Variants in ERC1 observed in about 807,000 individuals in gnomAD.
ERC1 encodes ELKS/RAB6-interacting/CAST family member 1, also known as RAB6 interacting protein 2.
Under a neutral mutation model 132.0 loss-of-function variants are expected in ERC1, and 56 were observed. The ratio of observed to expected loss-of-function variants is 0.42; its 90% CI spans 0.34 to 0.53. The LOEUF is 0.53. Ranked by LOEUF, ERC1 falls within the 20% of genes least tolerant of loss-of-function variation. The pLI is 0.03. For synonymous variants in ERC1, 478 were observed against 476.1 expected (o/e 1.00, Z -0.05); for missense variants, 1,202 against 1,349.9 (o/e 0.89, Z 1.72).
At chr12:1,269,733 T>A (rs2077700752) in intron 14 of ERC1, among the ~76,000 whole-genome samples, 1 of 152,194 alleles carries the variant, frequency 6.6e-6, no homozygotes, top group South Asian at 2.1e-4. Context: ...AAAAGGCACA[T>A]GGGCACAGGC....
intron 3 of ERC1, among the ~76,000 whole-genome samples, chr12:1,100,109 A>C (rs558284341): frequency 3.9e-5 from 6 of 152,052 alleles, no homozygotes; most frequent in African/African-American, 1.4e-4. Flanking sequence ...CGGCCTCCCA[A>C]AGTGCTGGGA....
intron 18 of ERC1, among the ~76,000 whole-genome samples, chr12:1,466,627 C>T (rs2093748620): frequency 6.6e-6 from 1 of 152,118 alleles, no homozygotes; most frequent in Non-Finnish European, 1.5e-5. Flanking sequence ...GGGGCTCTGC[C>T]TGTTAAAAGG....
intron 16 of ERC1, among the ~76,000 whole-genome samples, chr12:1,383,871 A>C (rs2089005290): frequency 6.6e-6 from 1 of 152,182 alleles, no homozygotes; most frequent in Non-Finnish European, 1.5e-5. Context: ...CTTTATGTGA[A>C]TTAATTCATT....
At chr12:1,367,393 AC>A (rs1270410594) in intron 15 of ERC1, among the ~76,000 whole-genome samples, 2 of 152,174 alleles carry the variant, frequency 1.3e-5, no homozygotes, top group African/African-American at 2.4e-5. Context: ...ATTCAATTTG[AC>A]ATACTCAGTT....
chr12:1,484,195 C>T (rs1221300028), intron 18 of ERC1, among the ~76,000 whole-genome samples: 2 of 151,788 alleles, frequency 1.3e-5, no homozygotes. Context: ...GTCCCAGCTA[C>T]TCGGGAGGCT....
chr12:1,378,082 G>C (rs931694629), intron 16 of ERC1, among the ~76,000 whole-genome samples: 1 of 152,110 alleles, frequency 6.6e-6, no homozygotes, highest in African/African-American at 2.4e-5. Context: ...TCAAAGTTTT[G>C]AGTAAAGAAT....
chr12:1,365,314 C>T (rs189482082), intron 15 of ERC1, among the ~76,000 whole-genome samples: 19 of 150,836 alleles, frequency 1.3e-4, no homozygotes, highest in African/African-American at 3.2e-4. Context: ...CTTGCCTAGA[C>T]GCTACTGGCC....
intron 18 of ERC1, among the ~76,000 whole-genome samples, chr12:1,459,527 G>T (rs1350925034): frequency 6.6e-6 from 1 of 152,212 alleles, no homozygotes; most frequent in African/African-American, 2.4e-5. Flanking sequence ...ACTCCACCCT[G>T]TGGTTGAATG....
intron 17 of ERC1, among the ~76,000 whole-genome samples, chr12:1,418,706 CT>C: frequency 8.6e-6 from 1 of 116,924 alleles, no homozygotes; most frequent in South Asian, 2.8e-4. Context: ...TTCTTTCTTT[CT>C]TTCTTTCTTT....
At chr12:1,051,025 A>G (rs759533958) in intron 2 of ERC1, among the ~76,000 whole-genome samples, 1 of 152,110 alleles carries the variant, frequency 6.6e-6, no homozygotes, top group Non-Finnish European at 1.5e-5. Context: ...TCATATATGT[A>G]CCACTCTGAA....
At chr12:1,052,497 T>C (rs576964778) in intron 2 of ERC1, among the ~76,000 whole-genome samples, 10 of 152,316 alleles carry the variant, frequency 6.6e-5, no homozygotes, top group African/African-American at 2.4e-4. Flanking sequence ...ATACAACTTT[T>C]CTGGGCTTGA....
chr12:1,359,137 C>G (rs190820474), intron 15 of ERC1, among the ~76,000 whole-genome samples: 1 of 152,270 alleles, frequency 6.6e-6, no homozygotes, highest in Admixed American at 6.5e-5. Context: ...AAAAGCATAA[C>G]AGCTTCAGGG....
At chr12:1,034,431 A>C (rs1258359225) in intron 2 of ERC1, among the ~76,000 whole-genome samples, 1 of 151,984 alleles carries the variant, frequency 6.6e-6, no homozygotes, top group Non-Finnish European at 1.5e-5. Flanking sequence ...TAAAAAAATA[A>C]ATAAAAATTT....
chr12:1,304,927 C>T (rs937374890), intron 15 of ERC1, among the ~76,000 whole-genome samples: 9 of 150,876 alleles, frequency 6.0e-5, no homozygotes, highest in African/African-American at 1.5e-4. Flanking sequence ...GTAGCTGGGA[C>T]TACAGGCGCC....
intron 12 of ERC1, among the ~76,000 whole-genome samples, chr12:1,223,495 C>A (rs1256645060): frequency 6.6e-6 from 1 of 152,170 alleles, no homozygotes; most frequent in African/African-American, 2.4e-5. Context: ...GGTGTTTCTA[C>A]CAAACACTAA....
At chr12:1,262,897 T>C in intron 13 of ERC1, 137 bp from the exon 14 acceptor site, 1 of 775,712 alleles carries the variant, frequency 1.3e-6, no homozygotes, top group Middle Eastern at 3.8e-4. Context: ...TTGTGTCCTC[T>C]GTGACGATAT....
At chr12:1,196,986 T>A (rs1331786852) in intron 12 of ERC1, among the ~76,000 whole-genome samples, 7,376 of 82,494 alleles carry the variant, frequency 0.089, 1,300 homozygotes, top group African/African-American at 0.27. Context: ...ATTTTTTTTT[T>A]TTTTTTTTTT....
At chr12:1,165,033 A>G (rs1952264814) in intron 8 of ERC1, among the ~76,000 whole-genome samples, 1 of 152,342 alleles carries the variant, frequency 6.6e-6, no homozygotes, top group Admixed American at 6.5e-5. Flanking sequence ...GAACAACTTA[A>G]GAGTTGTTTT....
chr12:1,259,695 T>G (rs2077030030), intron 13 of ERC1, among the ~76,000 whole-genome samples: 1 of 151,954 alleles, frequency 6.6e-6, no homozygotes, highest in African/African-American at 2.4e-5. Flanking sequence ...GCTAATTTTT[T>G]TGTATTTTCA....
Sources: allele counts gnomAD v4.1 joint callset (sites outside exome capture counted in the v4.1 genomes callset), GRCh38; gene constraint gnomAD v4.1.1; transcripts MANE v1.5; gene names NCBI Gene and HGNC (gene_info 2026-07-23, HGNC 2026-07-21).